DNAJB6: variants seen among roughly 807,000 people sequenced by gnomAD.
DNAJB6 encodes dnaJ homolog subfamily B member 6.
DNAJB6 carries 16 observed loss-of-function variants against 42.7 expected under a neutral mutation model. The observed-to-expected ratio is 0.37, with a 90% CI of 0.25 to 0.57. The LOEUF is 0.57. Ranked by LOEUF, DNAJB6 falls within the 20% of genes least tolerant of loss-of-function variation. DNAJB6 has a pLI of 0.74. For synonymous variants in DNAJB6, 170 were observed against 163.5 expected, an observed-to-expected ratio of 1.04 and a Z score of -0.30; for missense variants, 347 against 416.8, an observed-to-expected ratio of 0.83 and a Z score of 1.46.
At chr7:157,367,539 AC>A in intron 5 of DNAJB6, 56 bp downstream of exon 5, 1 of 1,034,844 alleles carries the variant, frequency 9.7e-7, no homozygotes, top group Non-Finnish European at 1.5e-6. Flanking sequence ...ATGAGGGCTT[AC>A]TTAGTATGGC....
intron 5 of DNAJB6, among the ~76,000 whole-genome samples, chr7:157,369,951 GATTATTAAACGGGCCCTTTCTTAACATT>G (rs1563128624): frequency 5.8e-5 from 7 of 121,612 alleles, no homozygotes; most frequent in South Asian, 2.6e-4. Flanking sequence ...CCCTTCTTAA[GATTATTAAACGGGCCCTTTCTTAACATT>G]ATTATTAAAC....
chr7:157,366,604 A>G (rs1563125602), intron 4 of DNAJB6, 43 bp downstream of exon 4: 1 of 1,568,378 alleles, frequency 6.4e-7, no homozygotes, highest in Admixed American at 1.7e-5. Context: ...AGGTCTTGGC[A>G]AGTAAGTTGA....
intron 9 of DNAJB6, chr7:157,414,961 T>C (rs1045894422): frequency 2.6e-5 from 4 of 152,232 alleles, no homozygotes; most frequent in African/African-American, 9.7e-5. Context: ...CCTACCATGA[T>C]TGTGATTCTC....
At chr7:157,386,354 C>T (rs1399561859) in intron 8 of DNAJB6, 2 of 980,262 alleles carry the variant, frequency 2.0e-6, no homozygotes, top group Non-Finnish European at 2.4e-6. Context: ...TGATTTGTGC[C>T]TGGGCTTCTA....
chr7:157,340,458 A>G (rs1325731559), intron 1 of DNAJB6, among the ~76,000 whole-genome samples: 2 of 152,174 alleles, frequency 1.3e-5, no homozygotes, highest in African/African-American at 4.8e-5. Flanking sequence ...GAAAACAAGA[A>G]TATGTTAGAA....
intron 2 of DNAJB6, among the ~76,000 whole-genome samples, chr7:157,360,926 T>C (rs1057447041): frequency 6.6e-6 from 1 of 152,196 alleles, no homozygotes; most frequent in Non-Finnish European, 1.5e-5. Context: ...CTGTTTACAC[T>C]TGCATATCGT....
chr7:157,416,211 C>T lies in DNAJB6; in HGVS notation c.*113C>T. 1 of 1,482,254 alleles carries T rather than the reference C, an allele frequency of 6.7e-7. No homozygotes were observed. Among genetic ancestry groups the T allele is most frequent in the Non-Finnish European group, 9.1e-7 (1 of 1,093,962 alleles). 91.8% of individuals were successfully genotyped at this position (1,482,254 alleles called of 1,614,324 possible). ...GTCGGTCAGGACTGTCTCGAGGCCA[C>T]ACTCGCTCGGCAGGATTATGCGATC... On this transcript the variant is annotated 3_prime_UTR_variant, in exon 10 of 10. Coordinates refer to ENST00000262177, the MANE Select transcript of DNAJB6 (RefSeq NM_058246.4).
intron 8 of DNAJB6, among the ~76,000 whole-genome samples, chr7:157,405,258 C>T (rs1795722378): frequency 6.6e-6 from 1 of 152,212 alleles, no homozygotes; most frequent in Admixed American, 6.5e-5. Context: ...AGAGAATGTC[C>T]TGGGGGCTCT....
At chr7:157,383,879 A>G (rs550373602) in intron 6 of DNAJB6, among the ~76,000 whole-genome samples, 24 of 152,318 alleles carry the variant, frequency 1.6e-4, no homozygotes, top group Non-Finnish European at 3.2e-4. Flanking sequence ...GATTTTTTGT[A>G]TTTCCAATTG....
chr7:157,389,328 G>A (rs2117112316), intron 8 of DNAJB6, among the ~76,000 whole-genome samples: 1 of 152,276 alleles, frequency 6.6e-6, no homozygotes, highest in Admixed American at 6.5e-5. Flanking sequence ...ATAAATAATT[G>A]GCATATTATC....
chr7:157,385,415 GT>G, intron 7 of DNAJB6, 125 bp from the exon 8 acceptor site: 1 of 1,053,596 alleles, frequency 9.5e-7, no homozygotes, highest in East Asian at 2.4e-5. Context: ...CTTCAGCCAT[GT>G]TTTTACAGCC....
Position 157,365,901 on chromosome 7 carries a change from T to C in DNAJB6, c.176-601T>C, listed in dbSNP as rs1014288571. ...CTGCTCTCGAACTCCTGACCTCAGGTGATCGGCCCTTCTCGGCCTCTGAAA... is the reference window on the plus strand; with the variant it reads ...CTGCTCTCGAACTCCTGACCTCAGGCGATCGGCCCTTCTCGGCCTCTGAAA... On this transcript the variant is annotated intron_variant, in intron 3 of 9. Transcript: ENST00000262177. 5.9e-5 allele frequency among the ~76,000 whole-genome samples: 9 copies of C among 151,704 alleles called. 1 individual carries two copies. Among genetic ancestry groups the C allele is most frequent in the African/African-American group, 1.7e-4 (7 of 41,266 alleles).
In DNAJB6 at chr7:157,416,204, GAGGCCACACTCGCTCGGC is replaced by G; in HGVS notation, c.*110_*127del. On this transcript the variant is annotated 3_prime_UTR_variant, in exon 10 of 10. Transcript: ENST00000262177. ...TAGCAGCGTCGGTCAGGACTGTCTCGAGGCCACACTCGCTCGGCAGGATTATGCGATCACGGATCAGTC... is the reference window on the plus strand; with the variant it reads ...TAGCAGCGTCGGTCAGGACTGTCTCGAGGATTATGCGATCACGGATCAGTC... The G allele has an allele frequency of 6.6e-7, 1 of 1,508,174 alleles. No homozygotes were observed. Among genetic ancestry groups the G allele is most frequent in the Admixed American group, 2.0e-5 (1 of 50,314 alleles). The allele number at this position is 1,508,174 out of a possible 1,614,324, so 93.4% of individuals were successfully genotyped here.
intron 8 of DNAJB6, among the ~76,000 whole-genome samples, chr7:157,402,509 C>T (rs528461957): frequency 1.4e-4 from 21 of 152,336 alleles, no homozygotes; most frequent in African/African-American, 3.8e-4. Context: ...TTGAGTCTGG[C>T]GCCGTCATGC....
chr7:157,369,424 G>A, intron 5 of DNAJB6: 1 of 456,562 alleles, frequency 2.2e-6, no homozygotes, highest in Non-Finnish European at 4.4e-6. Context: ...GACCAAGCGA[G>A]GAAGAAGGCC....
At position 157,357,301 on chromosome 7, in the gene DNAJB6, TCCTTCCTTCCTTCCTTCC is replaced by T. The variant is rs1367705750; in HGVS notation, c.-26-1245_-26-1228del. On this transcript the variant is annotated intron_variant, in intron 1 of 9. Coordinates refer to ENST00000262177, the MANE Select transcript of DNAJB6 (RefSeq NM_058246.4). ...GTCCTTCCTTCCGTCCTTCCTTCCT[TCCTTCCTTCCTTCCTTCC>T]TTCCTCGTTCCGTCGCCCGGGCTGG... is the stretch of plus-strand genomic sequence containing the variant. 1.5e-4 allele frequency among the ~76,000 whole-genome samples: 14 copies of T among 94,978 alleles called. 2 individuals are homozygous for T. The East Asian group carries it at 1.9e-3, about 13-fold the overall frequency. 62.3% of individuals were successfully genotyped at this position (94,978 alleles called of 152,430 possible). A position where few individuals can be genotyped will look rare whatever the true frequency, so the allele number is the denominator to read the frequency against.
At chr7:157,349,052 T>A (rs1168152693) in intron 1 of DNAJB6, among the ~76,000 whole-genome samples, 4 of 152,196 alleles carry the variant, frequency 2.6e-5, no homozygotes, top group African/African-American at 9.7e-5. Context: ...AATTTTTTTT[T>A]ATTTTTTGTG....
chr7:157,404,158 G>A, intron 8 of DNAJB6, among the ~76,000 whole-genome samples: 1 of 151,784 alleles, frequency 6.6e-6, no homozygotes, highest in African/African-American at 2.4e-5. Context: ...TTGTAGAGAT[G>A]GGGTCTCACT....
chr7:157,350,686 CT>C (rs796448256), intron 1 of DNAJB6, among the ~76,000 whole-genome samples: 149 of 133,696 alleles, frequency 1.1e-3, no homozygotes, highest in African/African-American at 3.4e-3. Context: ...AGACAACAAC[CT>C]TTTTTTTTTT....
Sources: allele counts gnomAD v4.1 joint callset (sites outside exome capture counted in the v4.1 genomes callset), GRCh38; gene constraint gnomAD v4.1.1; transcripts MANE v1.5; gene names NCBI Gene and HGNC (gene_info 2026-07-23, HGNC 2026-07-21).